ADAM12: variants seen among roughly 807,000 people sequenced by gnomAD.
ADAM12 encodes ADAM metallopeptidase domain 12.
In ADAM12, 70 loss-of-function variants were observed where a neutral mutation model predicts 106.4. The observed-to-expected ratio is 0.66, with a 90% CI of 0.54 to 0.80. The LOEUF (loss-of-function observed/expected upper bound fraction) is 0.80, where lower values mean the gene tolerates loss of function less well. ADAM12 is among the 30% of genes least tolerant of loss of function. ADAM12 has a pLI of 0.00. For missense variants in ADAM12, 1,010 were observed against 1,171.9 expected (o/e 0.86, Z 2.02); for synonymous variants, 420 against 433.5 (o/e 0.97, Z 0.39).
chr10:126,201,089 C>T (rs1251881878), intron 3 of ADAM12, among the ~76,000 whole-genome samples: 2 of 152,004 alleles, frequency 1.3e-5, no homozygotes, highest in East Asian at 1.9e-4. Context: ...CTTCCACAGG[C>T]CAAATGGTTA....
At position 126,049,328 on chromosome 10, in the gene ADAM12, C is replaced by A. The variant is rs1954410945; in HGVS notation, c.1842G>T (p.Gly614=). 1.9e-6 allele frequency: 3 copies of A among 1,614,096 alleles called. No homozygotes were observed. Among genetic ancestry groups the A allele is most frequent in the Non-Finnish European group, 2.5e-6 (3 of 1,180,052 alleles). The change falls in exon 16 of 23, where the codon GGG becomes GGT. Residue 614 remains glycine, a synonymous_variant. Transcript: ENST00000448723. This position sits in a 1 kb window ranked among gnomAD's most constrained non-coding sequence, Gnocchi z 4.4. ...LQQGGRILCR[G]THVYLGDDMP... is the part of the protein sequence containing the mutation. ...TGTCATCGCCCAAGTACACGTGGGT[C>A]CCCCGGCACAGAATCCGGCCTCCTT... is the stretch of plus-strand genomic sequence containing the variant.
chr10:126,302,012 G>A (rs942677547), intron 2 of ADAM12, among the ~76,000 whole-genome samples: 3 of 152,092 alleles, frequency 2.0e-5, no homozygotes, highest in Non-Finnish European at 4.4e-5. Context: ...AGTCCAAATC[G>A]TATACAAAAA....
chr10:126,375,610 A>G (rs1337057929), intron 1 of ADAM12, among the ~76,000 whole-genome samples: 1 of 151,980 alleles, frequency 6.6e-6, no homozygotes, highest in African/African-American at 2.4e-5. Context: ...CAGAACTGGG[A>G]AAGAGTAGGT....
In ADAM12 at chr10:126,064,918, G is replaced by A. The variant is rs765125011; in HGVS notation, c.1497C>T (p.Cys499=). Residue 499 remains cysteine (C), a synonymous_variant, in exon 14 of 23, where the codon TGC becomes TGT. Transcript: ENST00000448723. This position sits in a 1 kb window ranked among gnomAD's most constrained non-coding sequence, Gnocchi z 4.4. The part of the protein sequence containing the change: ...PEFCTGASPH[C]PANVYLHDGH... ...CATCGTGCAGGTACACGTTGGCTGG[G>A]CAGTGAGGGCTGGCCCCTGTGCAGA... 6.2e-7 allele frequency: 1 copy of A among 1,613,182 alleles called. No homozygotes were observed. The highest frequency in any genetic ancestry group is 1.1e-5 in the South Asian group (1 of 90,708).
chr10:126,192,133 G>A (rs527877416), intron 3 of ADAM12, among the ~76,000 whole-genome samples: 11 of 152,296 alleles, frequency 7.2e-5, no homozygotes, highest in African/African-American at 1.9e-4. Flanking sequence ...TAAGATTTGG[G>A]TGGGGACACA....
chr10:126,103,917 G>A (rs1390715050), intron 8 of ADAM12, among the ~76,000 whole-genome samples: 1 of 152,220 alleles, frequency 6.6e-6, no homozygotes, highest in Admixed American at 6.5e-5. Context: ...AATGCTCAGA[G>A]GTCACCAGGG....
At chr10:126,096,201 T>C (rs1341904500) in intron 10 of ADAM12, among the ~76,000 whole-genome samples, 1 of 152,218 alleles carries the variant, frequency 6.6e-6, no homozygotes, top group African/African-American at 2.4e-5. Flanking sequence ...GGGCTGAAGT[T>C]ACCATGCTCT....
intron 1 of ADAM12, among the ~76,000 whole-genome samples, chr10:126,331,941 T>C (rs1229579707): frequency 6.6e-6 from 1 of 152,208 alleles, no homozygotes; most frequent in East Asian, 1.9e-4. Flanking sequence ...GTCCTTCTCC[T>C]GGCTGCAAGG....
intron 1 of ADAM12, among the ~76,000 whole-genome samples, chr10:126,375,755 C>CAA (rs2133927203): frequency 9.1e-6 from 1 of 109,690 alleles, no homozygotes; most frequent in South Asian, 2.9e-4. Context: ...TTTTTTTTTT[C>CAA]TTTCTTTTTT....
Position 126,265,441 on chromosome 10 carries a change from A to C in ADAM12, c.260+13474T>G, listed in dbSNP as rs73384769. Among the ~76,000 whole-genome samples the C allele has an allele frequency of 3.1e-3, 471 of 152,334 alleles. 1 individual carries two copies. Among genetic ancestry groups the C allele is most frequent in the South Asian group, 0.018 (88 of 4,826 alleles). ...CACTGAACCTGGTGGGTGAAGTCTC[A>C]GGCAGACTTTTCTAATGGAAGCATC... On this transcript the variant is annotated intron_variant, in intron 3 of 22. Transcript: ENST00000448723.
chr10:126,084,350 C>T (rs11813475), intron 11 of ADAM12, among the ~76,000 whole-genome samples: 14,406 of 152,112 alleles, frequency 0.095, 906 homozygotes, highest in African/African-American at 0.17. Flanking sequence ...TTAAAAGGAC[C>T]TCAGCCCATC....
intron 3 of ADAM12, among the ~76,000 whole-genome samples, chr10:126,230,844 A>T (rs1463439786): frequency 1.3e-5 from 2 of 152,218 alleles, no homozygotes; most frequent in African/African-American, 2.4e-5. Flanking sequence ...ATAAAAACAA[A>T]CATTTTTAAC....
At chr10:126,302,131 C>G (rs555861173) in intron 2 of ADAM12, among the ~76,000 whole-genome samples, 1 of 152,162 alleles carries the variant, frequency 6.6e-6, no homozygotes, top group East Asian at 1.9e-4. Context: ...ATCAAATAAT[C>G]GTTTGGCTTT....
chr10:126,316,093 T>C (rs1437227670), intron 2 of ADAM12, among the ~76,000 whole-genome samples: 1 of 152,198 alleles, frequency 6.6e-6, no homozygotes, highest in Non-Finnish European at 1.5e-5. Flanking sequence ...GGAGATATGA[T>C]AGAATTTTTT....
rs1345964347 is a variant in ADAM12 at position 126,086,681 on chromosome 10, AT to A, written c.1145+7303del. 5.5e-3 allele frequency among the ~76,000 whole-genome samples: 156 copies of A among 28,422 alleles called. 2 individuals are homozygous for A. Among genetic ancestry groups the A allele is most frequent in the African/African-American group, 0.012 (39 of 3,134 alleles). 18.6% of individuals were successfully genotyped at this position (28,422 alleles called of 152,430 possible). ...AAAAAAAAAAAAAAAAAAAAAAAAAATATATATATATATATATATATATATA... is the reference window on the plus strand; with the variant it reads ...AAAAAAAAAAAAAAAAAAAAAAAAAAATATATATATATATATATATATATA... On this transcript the variant is annotated intron_variant, in intron 11 of 22. Coordinates refer to ENST00000448723, the MANE Select transcript of ADAM12 (RefSeq NM_001288973.2).
chr10:126,065,185 C>T (rs1340100641), intron 13 of ADAM12, among the ~76,000 whole-genome samples, 184 bp from the exon 14 acceptor site: 1 of 152,200 alleles, frequency 6.6e-6, no homozygotes, highest in East Asian at 1.9e-4. Context: ...CTGGGGTTCA[C>T]TGTTCCACTC....
intron 18 of ADAM12, among the ~76,000 whole-genome samples, chr10:126,039,635 T>C (rs755945763): frequency 3.3e-5 from 5 of 152,228 alleles, no homozygotes; most frequent in Non-Finnish European, 7.3e-5. Context: ...TTCTGACAAC[T>C]CTAGAACTTG....
intron 11 of ADAM12, among the ~76,000 whole-genome samples, chr10:126,077,589 C>T (rs12411626): frequency 2.0e-5 from 3 of 151,926 alleles, no homozygotes; most frequent in Non-Finnish European, 4.4e-5. Flanking sequence ...AAATAAACCC[C>T]GACACCTATA....
At chr10:126,234,144 C>T (rs948200009) in intron 3 of ADAM12, among the ~76,000 whole-genome samples, 2 of 152,066 alleles carry the variant, frequency 1.3e-5, no homozygotes, top group African/African-American at 4.8e-5. Context: ...AGAAAACCAC[C>T]AGGGAGGAGT....
Sources: allele counts gnomAD v4.1 joint callset (sites outside exome capture counted in the v4.1 genomes callset), GRCh38; gene constraint gnomAD v4.1.1; non-coding constraint Gnocchi (gnomAD v3.1); transcripts MANE v1.5; gene names NCBI Gene and HGNC (gene_info 2026-07-23, HGNC 2026-07-21).